Variants in PIK3C3 observed in about 807,000 individuals in gnomAD.
PIK3C3 encodes phosphatidylinositol 3-kinase catalytic subunit type 3.
A neutral mutation model predicts 126.1 loss-of-function variants in PIK3C3; 95 were observed. The ratio of observed to expected loss-of-function variants is 0.75; its 90% CI spans 0.64 to 0.89. PIK3C3 has a LOEUF of 0.89. Among genes scored for constraint, PIK3C3 ranks in the 40% least tolerant of loss-of-function variants. The pLI is 0.00. For synonymous variants in PIK3C3, 374 were observed against 360.0 expected (o/e 1.04, Z -0.44); for missense variants, 829 against 1,063.2 (o/e 0.78, Z 3.06).
Position 42,027,508 on chromosome 18 carries a change from A to T in PIK3C3, c.1550A>T (p.Tyr517Phe). The T allele has an allele frequency of 1.2e-6, 2 of 1,612,174 alleles. No homozygotes were observed. The highest frequency in any genetic ancestry group is 1.7e-6 in the Non-Finnish European group (2 of 1,178,466). Residue 517 changes from tyrosine to phenylalanine, a missense_variant, in exon 14 of 25, where the codon TAC becomes TTC. Transcript: ENST00000262039. ...AGAGATCCAAAGACCCATGAGATGT[A>T]CTTGAACGTAATGAGAAGATTCAGC... ...QQRDPKTHEM[Y>F]LNVMRRFSQA... is the part of the protein sequence containing the mutation.
chr18:42,035,619 G>A (rs1167014909), intron 16 of PIK3C3, among the ~76,000 whole-genome samples: 1 of 152,098 alleles, frequency 6.6e-6, no homozygotes, highest in African/African-American at 2.4e-5. Flanking sequence ...TGAGGCAGTT[G>A]CTACGTAATA....
At chr18:42,057,065 C>CT (rs1555640563) in intron 21 of PIK3C3, among the ~76,000 whole-genome samples, 3 of 142,394 alleles carry the variant, frequency 2.1e-5, no homozygotes, top group African/African-American at 7.7e-5. Context: ...TGAACCCCCC[C>CT]CCCCGTGTTG....
At chr18:42,021,963 G>T (rs1212421344) in intron 13 of PIK3C3, among the ~76,000 whole-genome samples, 2 of 152,134 alleles carry the variant, frequency 1.3e-5, no homozygotes, top group Admixed American at 1.3e-4. Flanking sequence ...GAGGTATTTT[G>T]CTTTTTGTGA....
chr18:41,969,672 A>G (rs558261995), intron 3 of PIK3C3, among the ~76,000 whole-genome samples: 120 of 152,360 alleles, frequency 7.9e-4, no homozygotes, highest in African/African-American at 2.6e-3. Flanking sequence ...TTGTACAGCA[A>G]AAAGACTAGT....
At chr18:42,063,127 A>G (rs1425732643) in intron 22 of PIK3C3, among the ~76,000 whole-genome samples, 3 of 150,368 alleles carry the variant, frequency 2.0e-5, no homozygotes, top group Non-Finnish European at 2.9e-5. Flanking sequence ...GTGCATTTCA[A>G]ATACAACTAT....
chr18:41,964,521 A>G (rs886172964), intron 3 of PIK3C3, among the ~76,000 whole-genome samples: 1 of 152,102 alleles, frequency 6.6e-6, no homozygotes, highest in African/African-American at 2.4e-5. Flanking sequence ...TAAATATTAT[A>G]TCATATATTT....
Position 42,004,521 on chromosome 18 carries a change from T to C in PIK3C3, c.1150T>C (p.Leu384=), listed in dbSNP as rs756148718. 1.9e-6 allele frequency: 3 copies of C among 1,594,552 alleles called. No homozygotes were observed. In the Admixed American group the frequency reaches 5.6e-5, roughly 30 times the overall value. ...TGTGAGGCGTTATGCTGTTGCCCGG[T>C]TGCGACAGGCCGATGATGAGGTGCA... The part of the protein sequence containing the change: ...PTVRRYAVAR[L]RQADDEDLLM... Residue 384 remains leucine (L), a synonymous_variant, in exon 10 of 25, where the codon TTG becomes CTG. Coordinates refer to ENST00000262039, the MANE Select transcript of PIK3C3 (RefSeq NM_002647.4).
chr18:42,072,083 A>G (rs1985797121), intron 24 of PIK3C3, among the ~76,000 whole-genome samples: 2 of 152,202 alleles, frequency 1.3e-5, no homozygotes, highest in African/African-American at 2.4e-5. Context: ...TATATTGTCT[A>G]AGTATTGATA....
chr18:41,955,458 C>G, intron 1 of PIK3C3, 99 bp downstream of exon 1: 1 of 1,025,404 alleles, frequency 9.8e-7, no homozygotes, highest in Non-Finnish European at 1.5e-6. Context: ...CGTGACTCGT[C>G]TCAAGGCCCA....
In PIK3C3 at chr18:42,058,058, T is replaced by G. The variant is rs573069746; in HGVS notation, c.2432+7T>G. 6.4e-7 allele frequency: 1 copy of G among 1,571,324 alleles called. No individual in the cohort carries two copies. The highest frequency in any genetic ancestry group is 2.3e-5 in the East Asian group (1 of 43,418). ...CTTTCCTCCACCTGCGAAGGTAAGT[T>G]GATTTGCTTGGCACAGAGAATTTGG... On this transcript the variant is annotated splice_region_variant and intron_variant, in intron 22 of 24. Transcript: ENST00000262039.
Position 42,008,495 on chromosome 18 carries a change from G to T in PIK3C3, c.1170+3954G>T, listed in dbSNP as rs528907880. Among the ~76,000 whole-genome samples, 9 of 152,184 alleles carry T rather than the reference G, an allele frequency of 5.9e-5. No individual in the cohort carries two copies. In the East Asian group the frequency reaches 1.7e-3, roughly 29 times the overall value. ...TGTCTCTAACTGAAAATGCCTCTAT[G>T]GAGAGTTATTCTTAATTCAATAAGA... On this transcript the variant is annotated intron_variant, in intron 10 of 24. Transcript: ENST00000262039.
intron 12 of PIK3C3, among the ~76,000 whole-genome samples, chr18:42,017,378 T>A (rs886606976): frequency 6.6e-6 from 1 of 152,176 alleles, no homozygotes; most frequent in Non-Finnish European, 1.5e-5. Context: ...TCCCCAAATC[T>A]GCTCATATTT....
intron 9 of PIK3C3, among the ~76,000 whole-genome samples, chr18:42,003,661 C>G (rs1166762427): frequency 1.3e-5 from 2 of 152,176 alleles, no homozygotes; most frequent in Non-Finnish European, 2.9e-5. Context: ...AACTGACAGT[C>G]TTGTGAAAAC....
chr18:42,082,029 A>G lies in PIK3C3; in HGVS notation c.*892A>G, dbSNP rs1598968706. On this transcript the variant is annotated 3_prime_UTR_variant, in exon 25 of 25. Transcript: ENST00000262039. ...GCTCACCTAGACCTGTTAATGTAAT[A>G]TATTCTTTCTGAATTAAGCAAAATT... The G allele has an allele frequency of 3.3e-5, 5 of 152,334 alleles. No individual in the cohort carries two copies. The allele number at this position is 152,334 out of a possible 1,614,324, so 9.4% of individuals were successfully genotyped here.
At chr18:41,964,761 T>C (rs1449902644) in intron 3 of PIK3C3, among the ~76,000 whole-genome samples, 1 of 152,106 alleles carries the variant, frequency 6.6e-6, no homozygotes, top group East Asian at 1.9e-4. Context: ...ATTATATATG[T>C]TAATTAAAGA....
intron 13 of PIK3C3, among the ~76,000 whole-genome samples, chr18:42,020,914 A>G (rs1315254368): frequency 2.6e-5 from 4 of 152,194 alleles, no homozygotes; most frequent in African/African-American, 9.7e-5. Context: ...CTAAGGATAT[A>G]ACTTTCCAGG....
intron 7 of PIK3C3, among the ~76,000 whole-genome samples, chr18:41,995,143 A>G (rs1981966054): frequency 6.6e-6 from 1 of 152,154 alleles, no homozygotes; most frequent in African/African-American, 2.4e-5. Flanking sequence ...AAATTTAACT[A>G]CATTTTAAAA....
At chr18:42,018,800 C>A (rs756430750) in intron 12 of PIK3C3, among the ~76,000 whole-genome samples, 1 of 152,066 alleles carries the variant, frequency 6.6e-6, no homozygotes, top group Non-Finnish European at 1.5e-5. Context: ...GTTCCCCTGG[C>A]AAAAATCTCA....
At position 42,033,443 on chromosome 18, in the gene PIK3C3, A is replaced by T. The variant is rs966705405; in HGVS notation, c.1708-383A>T. On this transcript the variant is annotated intron_variant, in intron 15 of 24. Transcript: ENST00000262039. ...TGAAATTTTTGCTTAATATTTGGTC[A>T]TGCAAAATTAAACTTTGAAGGAAAT... is the stretch of plus-strand genomic sequence containing the variant. Among the ~76,000 whole-genome samples, 40 of 152,214 alleles carry T rather than the reference A, an allele frequency of 2.6e-4. 1 individual carries two copies. Among genetic ancestry groups the T allele is most frequent in the Admixed American group, 2.0e-3 (31 of 15,280 alleles).
Sources: gnomAD v4.1 joint callset for allele counts (sites outside exome capture counted in the v4.1 genomes callset) on GRCh38, gnomAD v4.1.1 for gene constraint, MANE v1.5 for transcripts, NCBI Gene and HGNC (gene_info 2026-07-23, HGNC 2026-07-21) for gene names.